The following CPVL variants were observed in gnomAD, a reference collection of about 807,000 sequenced individuals.
CPVL encodes probable serine carboxypeptidase CPVL.
In CPVL, 51 loss-of-function variants were observed where a neutral mutation model predicts 63.7. The ratio of observed to expected loss-of-function variants is 0.80; its 90% confidence interval spans 0.64 to 1.01. The LOEUF is 1.01. Ranked by LOEUF, CPVL falls within the 50% of genes least tolerant of loss-of-function variation. The probability of loss-of-function intolerance (pLI) is 0.00; values close to 1 mark genes in which losing one functional copy is unlikely to be tolerated. For synonymous variants in CPVL, 195 were observed against 206.0 expected (o/e 0.95, Z 0.46); for missense variants, 530 against 573.1 (o/e 0.92, Z 0.77).
At chr7:29,098,856 A>G (rs1334353600) in intron 3 of CPVL, among the ~76,000 whole-genome samples, 1 of 152,166 alleles carries the variant, frequency 6.6e-6, no homozygotes, top group Non-Finnish European at 1.5e-5. Flanking sequence ...AGAGGTCAAG[A>G]GTTCGAGACC....
chr7:29,056,949 CTTTT>C (rs70977101), intron 11 of CPVL, among the ~76,000 whole-genome samples: 3 of 118,058 alleles, frequency 2.5e-5, no homozygotes, highest in Admixed American at 1.0e-4. Context: ...TTTTCCTTTT[CTTTT>C]TTTTTTTTTT....
intron 12 of CPVL, chr7:29,010,738 G>T (rs1158552453): frequency 6.6e-6 from 1 of 152,200 alleles, no homozygotes; most frequent in Non-Finnish European, 1.5e-5. Context: ...TTAATGCTAA[G>T]AGAGCTCCCT....
chr7:29,006,102 T>TCAC (rs2128130216), intron 12 of CPVL, among the ~76,000 whole-genome samples: 1 of 152,334 alleles, frequency 6.6e-6, no homozygotes, highest in East Asian at 1.9e-4. Flanking sequence ...CTAGCAGCAG[T>TCAC]GTGTGGGCAC....
Position 29,092,437 on chromosome 7 carries a change from T to G in CPVL, c.542+186A>C, listed in dbSNP as rs193181928. On this transcript the variant is annotated intron_variant, in intron 6 of 12. Transcript: ENST00000265394. ...CTTTCAGATGTCTGGTTGAAAGGTT[T>G]AAAAAATAATCTTTAATTGAAAAAT... is the stretch of plus-strand genomic sequence containing the variant. Among the ~76,000 whole-genome samples the G allele has an allele frequency of 3.6e-3, 545 of 152,280 alleles. 4 individuals are homozygous for G. The highest frequency in any genetic ancestry group is 0.013 in the African/African-American group (520 of 41,568).
At chr7:29,189,408 T>C (rs1290363471) in intron 1 of CPVL, among the ~76,000 whole-genome samples, 1 of 152,040 alleles carries the variant, frequency 6.6e-6, no homozygotes, top group African/African-American at 2.4e-5. Context: ...CAAATTTTCA[T>C]AGAAAAAGAG....
rs181103075 is a variant in CPVL, at chr7:29,008,501, G to A, written c.1321-12619C>T. 1.5e-3 allele frequency among the ~76,000 whole-genome samples: 222 copies of A among 152,272 alleles called. 1 individual carries two copies. Among genetic ancestry groups the A allele is most frequent in the African/African-American group, 4.9e-3 (204 of 41,568 alleles). On this transcript the variant is annotated intron_variant, in intron 12 of 12. Transcript: ENST00000265394. ...TAAAACAGTTATTGAGAGTGTTCCT[G>A]AATAGCATCTTAAAACTTTTAAAAT...
intron 12 of CPVL, among the ~76,000 whole-genome samples, chr7:29,021,370 C>A (rs141723634): frequency 1.3e-5 from 2 of 152,078 alleles, no homozygotes; most frequent in South Asian, 2.1e-4. Context: ...GGCTGCCTGA[C>A]GCACCTGGCT....
chr7:29,012,733 C>T (rs1331009596), intron 12 of CPVL: 1 of 152,178 alleles, frequency 6.6e-6, no homozygotes, highest in Non-Finnish European at 1.5e-5. Context: ...GAAAGTTTCT[C>T]CAAACATATG....
intron 5 of CPVL, among the ~76,000 whole-genome samples, chr7:29,164,276 C>T (rs1457616660): frequency 6.6e-6 from 1 of 151,978 alleles, no homozygotes; most frequent in African/African-American, 2.4e-5. Context: ...TGCTTATTTC[C>T]TGTTTGTACA....
In CPVL at chr7:29,165,463, G is replaced by T. The variant is rs542450546; in HGVS notation, c.-11+15827C>A. On this transcript the variant is annotated intron_variant, in intron 5 of 16. Transcript: ENST00000409850. ...GATTTTTTTTAAATCACCTATACTG[G>T]TTCAAAGAATTTTCCACAGTCATGT... 2.6e-5 allele frequency among the ~76,000 whole-genome samples: 4 copies of T among 152,002 alleles called. No individual in the cohort carries two copies. In the South Asian group the frequency reaches 8.3e-4, roughly 32 times the overall value.
intron 3 of CPVL, among the ~76,000 whole-genome samples, chr7:29,108,228 C>G (rs774492797): frequency 1.3e-5 from 2 of 152,208 alleles, no homozygotes; most frequent in African/African-American, 2.4e-5. Context: ...GGGCCTAGGC[C>G]TGACTCTAAA....
chr7:29,060,521 C>T (rs898693280), intron 11 of CPVL, among the ~76,000 whole-genome samples: 11 of 152,192 alleles, frequency 7.2e-5, no homozygotes, highest in Non-Finnish European at 1.2e-4. Context: ...ATTTTTGAAA[C>T]TGCCAATATG....
At chr7:29,105,810 C>G (rs1787664770) in intron 3 of CPVL, among the ~76,000 whole-genome samples, 2 of 152,320 alleles carry the variant, frequency 1.3e-5, no homozygotes, top group South Asian at 2.1e-4. Flanking sequence ...GCCACATCCT[C>G]AGTGTTGGCC....
chr7:29,072,290 G>C lies in CPVL; in HGVS notation c.732+11C>G. 6.2e-7 allele frequency: 1 copy of C among 1,613,878 alleles called. No homozygotes were observed. Among genetic ancestry groups the C allele is most frequent in the Non-Finnish European group, 8.5e-7 (1 of 1,179,910 alleles). Reference sequence around the variant, plus strand: ...AAGAGACAAAATAGAAAGTCAGAAGGAGAAACCTACTGATTCGGGATCAGA... The same window carrying C: ...AAGAGACAAAATAGAAAGTCAGAAGCAGAAACCTACTGATTCGGGATCAGA... On this transcript the variant is annotated intron_variant, in intron 8 of 12. Coordinates refer to ENST00000265394, the MANE Select transcript of CPVL (RefSeq NM_031311.5).
At chr7:29,049,239 C>T (rs1789919556) in intron 11 of CPVL, among the ~76,000 whole-genome samples, 1 of 151,900 alleles carries the variant, frequency 6.6e-6, no homozygotes, top group Non-Finnish European at 1.5e-5. Flanking sequence ...AGAGCTGGTT[C>T]TTTGAAAAGA....
chr7:29,119,909 A>G (rs1011374272), intron 2 of CPVL, among the ~76,000 whole-genome samples: 16 of 152,094 alleles, frequency 1.1e-4, no homozygotes, highest in Non-Finnish European at 1.5e-4. Context: ...CCTCCCCGGG[A>G]TGTTGAGATG....
intron 11 of CPVL, among the ~76,000 whole-genome samples, chr7:29,047,396 C>A (rs773682375): frequency 3.8e-4 from 58 of 152,146 alleles, no homozygotes; most frequent in Non-Finnish European, 7.9e-4. Flanking sequence ...AAAATACTCT[C>A]GAAAGTCTCA....
At chr7:29,019,501 G>C (rs1313143849) in intron 12 of CPVL, among the ~76,000 whole-genome samples, 1 of 152,194 alleles carries the variant, frequency 6.6e-6, no homozygotes, top group African/African-American at 2.4e-5. Flanking sequence ...GCTCCCCTAG[G>C]AGAGCTGTCA....
intron 12 of CPVL, among the ~76,000 whole-genome samples, chr7:29,021,040 T>C (rs533162799): frequency 1.1e-4 from 17 of 152,100 alleles, no homozygotes; most frequent in African/African-American, 3.4e-4. Flanking sequence ...TAGCCAGGTG[T>C]GGTGGTACAT....
Sources: gnomAD v4.1 joint callset for allele counts (sites outside exome capture counted in the v4.1 genomes callset) on GRCh38, gnomAD v4.1.1 for gene constraint, MANE v1.5 for transcripts, NCBI Gene and HGNC (gene_info 2026-07-23, HGNC 2026-07-21) for gene names.